Variants in SLC9C2 observed in about 807,000 individuals in gnomAD.
SLC9C2 encodes the protein solute carrier family 9 member C2 (putative).
Under a neutral mutation model 140.2 loss-of-function variants are expected in SLC9C2, and 75 were observed. The observed-to-expected ratio is 0.53, with a 90% confidence interval of 0.44 to 0.65. The LOEUF is 0.65. Among genes scored for constraint, SLC9C2 ranks in the 30% least tolerant of loss-of-function variants. The pLI is 0.00. For missense variants in SLC9C2, 1,074 were observed against 1,331.8 expected (o/e 0.81, Z 3.01); for synonymous variants, 375 against 420.9 (o/e 0.89, Z 1.34).
At chr1:173,575,223 C>T (rs542200263) in intron 8 of SLC9C2, among the ~76,000 whole-genome samples, 26 of 152,210 alleles carry the variant, frequency 1.7e-4, no homozygotes, top group Non-Finnish European at 3.2e-4. Flanking sequence ...TTGTTACTTT[C>T]TTATATAAAC....
chr1:173,601,236 AT>A (rs1405641347), intron 2 of SLC9C2, among the ~76,000 whole-genome samples: 1 of 152,152 alleles, frequency 6.6e-6, no homozygotes, highest in African/African-American at 2.4e-5. Flanking sequence ...GTTTGCTCGC[AT>A]TGTCCTCCCC....
intron 24 of SLC9C2, 55 bp downstream of exon 24, chr1:173,509,512 TA>T: frequency 7.1e-7 from 1 of 1,414,310 alleles, no homozygotes; most frequent in Non-Finnish European, 9.4e-7. Flanking sequence ...ATGCATTTTG[TA>T]AAAAATACAA....
At chr1:173,583,688 C>A in intron 5 of SLC9C2, 66 bp from the exon 6 acceptor site, 1 of 811,982 alleles carries the variant, frequency 1.2e-6, no homozygotes. Context: ...GCACAGGAAG[C>A]AGAAACAGAA....
intron 4 of SLC9C2, among the ~76,000 whole-genome samples, chr1:173,591,324 C>T (rs112399461): frequency 0.027 from 4,101 of 152,182 alleles, 200 homozygotes; most frequent in African/African-American, 0.094. Flanking sequence ...GTGACTAGTG[C>T]TGCAATGAAT....
intron 18 of SLC9C2, 25 bp downstream of exon 18, chr1:173,529,880 C>T: frequency 6.3e-7 from 1 of 1,591,112 alleles, no homozygotes; most frequent in Non-Finnish European, 8.5e-7. Context: ...TTTTTCTCCC[C>T]AAATGACCAG....
chr1:173,536,617 T>C (rs922738268), intron 14 of SLC9C2, among the ~76,000 whole-genome samples: 1 of 152,206 alleles, frequency 6.6e-6, no homozygotes, highest in East Asian at 1.9e-4. Context: ...GGCAAAATAA[T>C]TATAATAGTT....
rs16846220 is a variant in SLC9C2, at chr1:173,554,587, C to T, written c.1297+146G>A. 25,067 of 622,584 alleles carry T rather than the reference C, an allele frequency of 0.04. 4,657 individuals are homozygous for T. The African/African-American group carries it at 0.41, about 10-fold the overall frequency. 38.6% of individuals were successfully genotyped at this position (622,584 alleles called of 1,614,324 possible). The stretch of plus-strand genomic sequence containing the variant: ...GGCTGAAACAATATCCCAAGTAATA[C>T]AGCATCTAAATATATGAATAAATGA... On this transcript the variant is annotated intron_variant, in intron 11 of 27. Transcript: ENST00000367714.
intron 11 of SLC9C2, 82 bp downstream of exon 11, chr1:173,554,651 G>T: frequency 1.2e-6 from 1 of 831,304 alleles, no homozygotes; most frequent in Non-Finnish European, 2.0e-6. Context: ...TGAGCTTCAT[G>T]AGAAATGTCC....
rs781503913 is a variant in SLC9C2 at position 173,517,631 on chromosome 1, G to A, written c.2813C>T (p.Thr938Ile). The A allele has an allele frequency of 6.2e-7, 1 of 1,613,930 alleles. No individual in the cohort carries two copies. Among genetic ancestry groups the A allele is most frequent in the East Asian group, 2.2e-5 (1 of 44,856 alleles). The change falls in exon 23 of 28, where the codon ACA becomes ATA. Residue 938 changes from threonine (T) to isoleucine (I), a missense_variant. By Grantham distance (89) the Thr-to-Ile change is moderately conservative. Transcript: ENST00000367714. ...RCDRGSRDMF[T>I]EFCTTGDIIG... ...TATGTCCCCAGTAGTACAGAACTCT[G>A]TAAACATGTCTCTGGACCCTCTATC...
At chr1:173,544,719 A>T (rs1329400116) in intron 13 of SLC9C2, among the ~76,000 whole-genome samples, 2 of 152,198 alleles carry the variant, frequency 1.3e-5, no homozygotes, top group Non-Finnish European at 2.9e-5. Context: ...GACATGGATG[A>T]AGCTGGAAAC....
chr1:173,524,219 G>A, intron 20 of SLC9C2, 125 bp from the exon 21 acceptor site: 1 of 873,554 alleles, frequency 1.1e-6, no homozygotes, highest in Non-Finnish European at 1.7e-6. Context: ...TTGACTCACA[G>A]CTTGTCTCAT....
chr1:173,584,603 T>A (rs1016124837), intron 5 of SLC9C2, among the ~76,000 whole-genome samples: 11 of 152,184 alleles, frequency 7.2e-5, no homozygotes, highest in African/African-American at 2.7e-4. Context: ...ATTTTCTCTT[T>A]ATAATTGGTT....
intron 7 of SLC9C2, among the ~76,000 whole-genome samples, chr1:173,581,550 A>G (rs1665531920): frequency 1.3e-5 from 2 of 152,168 alleles, no homozygotes; most frequent in Non-Finnish European, 2.9e-5. Flanking sequence ...AAATGAGCTC[A>G]ATGTTGATTC....
intron 13 of SLC9C2, among the ~76,000 whole-genome samples, chr1:173,545,165 C>T (rs1277224103): frequency 2.0e-5 from 3 of 152,178 alleles, no homozygotes; most frequent in African/African-American, 7.2e-5. Context: ...CCTCCTCAGA[C>T]TCATATCTGC....
chr1:173,528,926 G>C (rs1031047855), intron 18 of SLC9C2, among the ~76,000 whole-genome samples: 10 of 152,156 alleles, frequency 6.6e-5, no homozygotes, highest in African/African-American at 2.4e-4. Context: ...CAATGAATAG[G>C]AGAGTGAACC....
At chr1:173,594,606 A>T (rs1288071316) in intron 4 of SLC9C2, among the ~76,000 whole-genome samples, 3 of 152,166 alleles carry the variant, frequency 2.0e-5, no homozygotes, top group African/African-American at 7.2e-5. Flanking sequence ...AAAACATTAC[A>T]ATCACAATAA....
In SLC9C2 at chr1:173,533,810, C is replaced by T. The variant is rs774332487; in HGVS notation, c.1975-13G>A. ...TCAAAATTATTATCTGTACAGAAAACAAATGTCATTTCATAGCACCTATAC... is the reference window on the plus strand; with the variant it reads ...TCAAAATTATTATCTGTACAGAAAATAAATGTCATTTCATAGCACCTATAC... On this transcript the variant is annotated splice_polypyrimidine_tract_variant and intron_variant, in intron 16 of 27. Coordinates refer to ENST00000367714, the MANE Select transcript of SLC9C2 (RefSeq NM_178527.4). 6.3e-7 allele frequency: 1 copy of T among 1,590,686 alleles called. No individual in the cohort carries two copies. The highest frequency in any genetic ancestry group is 1.8e-5 in the Admixed American group (1 of 55,678).
At chr1:173,540,099 T>C (rs1571506959) in intron 13 of SLC9C2, among the ~76,000 whole-genome samples, 1 of 152,118 alleles carries the variant, frequency 6.6e-6, no homozygotes, top group Non-Finnish European at 1.5e-5. Context: ...TGGCTTCCCC[T>C]CTCACCCTGT....
chr1:173,516,778 A>C (rs1216311759), intron 23 of SLC9C2, among the ~76,000 whole-genome samples: 2 of 152,196 alleles, frequency 1.3e-5, no homozygotes, highest in South Asian at 2.1e-4. Context: ...GTGAACATAC[A>C]TGTGCATGTG....
Sources: allele counts gnomAD v4.1 joint callset (sites outside exome capture counted in the v4.1 genomes callset), GRCh38; gene constraint gnomAD v4.1.1; transcripts MANE v1.5; gene names NCBI Gene and HGNC (gene_info 2026-07-23, HGNC 2026-07-21).